BMPR1B: variants seen among roughly 807,000 people sequenced by gnomAD.
BMPR1B encodes bone morphogenetic protein receptor type 1B.
In BMPR1B, 12 loss-of-function variants were observed where a neutral mutation model predicts 59.1. That is an observed-to-expected ratio of 0.20 (90% confidence interval 0.13 to 0.33). The LOEUF (loss-of-function observed/expected upper bound fraction) is 0.33. Among genes scored for constraint, BMPR1B ranks in the 10% least tolerant of loss-of-function variants. The probability of loss-of-function intolerance (pLI) is 1.00; values close to 1 mark genes in which losing one functional copy is unlikely to be tolerated. For synonymous variants in BMPR1B, 237 were observed against 207.3 expected, an observed-to-expected ratio of 1.14 and a Z score of -1.23; for missense variants, 550 against 610.9, an observed-to-expected ratio of 0.90 and a Z score of 1.05.
intron 3 of BMPR1B, chr4:95,103,532 A>G (rs968042217): frequency 2.0e-5 from 19 of 968,060 alleles, no homozygotes; most frequent in Admixed American, 6.2e-5. Flanking sequence ...TAATTAATGC[A>G]TGCCCTCTTC....
chr4:94,972,310 A>T (rs6855185), intron 2 of BMPR1B, among the ~76,000 whole-genome samples: 32,902 of 151,886 alleles, frequency 0.22, 3,791 homozygotes, highest in Middle Eastern at 0.27. Flanking sequence ...CTTTAAAAAG[A>T]TAACTTTATT....
chr4:94,777,989 G>C (rs1722441803), intron 1 of BMPR1B, among the ~76,000 whole-genome samples: 1 of 151,432 alleles, frequency 6.6e-6, no homozygotes, highest in Non-Finnish European at 1.5e-5. Flanking sequence ...TTGCGGCATT[G>C]CACTCCAGCC....
At chr4:94,954,725 A>T (rs1266328596) in intron 2 of BMPR1B, among the ~76,000 whole-genome samples, 1 of 152,126 alleles carries the variant, frequency 6.6e-6, no homozygotes, top group African/African-American at 2.4e-5. Context: ...TTCTTTTTTA[A>T]ATGATGGAGA....
At chr4:95,071,039 T>C (rs948069419) in intron 3 of BMPR1B, among the ~76,000 whole-genome samples, 1 of 152,100 alleles carries the variant, frequency 6.6e-6, no homozygotes, top group Non-Finnish European at 1.5e-5. Flanking sequence ...TAATGAAAAA[T>C]GTCTAAATGT....
At chr4:94,982,553 G>T (rs1352191913) in intron 2 of BMPR1B, among the ~76,000 whole-genome samples, 3 of 152,184 alleles carry the variant, frequency 2.0e-5, no homozygotes, top group Non-Finnish European at 4.4e-5. Context: ...ATTGGTTTGG[G>T]ATATGTCCTG....
chr4:95,008,836 A>G (rs180951146), intron 3 of BMPR1B, among the ~76,000 whole-genome samples: 26 of 152,318 alleles, frequency 1.7e-4, no homozygotes, highest in Middle Eastern at 3.4e-3. Context: ...AAATCCAAAT[A>G]GTCAATAAAC....
chr4:94,789,828 A>C (rs1416209510), intron 1 of BMPR1B, among the ~76,000 whole-genome samples: 2 of 152,128 alleles, frequency 1.3e-5, no homozygotes, highest in Non-Finnish European at 2.9e-5. Flanking sequence ...TGACCCTGGA[A>C]CAACATGAGT....
intron 1 of BMPR1B, among the ~76,000 whole-genome samples, chr4:94,793,591 A>G (rs1723066002): frequency 6.7e-6 from 1 of 148,806 alleles, no homozygotes; most frequent in Non-Finnish European, 1.5e-5. Context: ...AGGAATCGCC[A>G]CACTGACTTC....
intron 3 of BMPR1B, among the ~76,000 whole-genome samples, chr4:95,053,920 A>G (rs1170443750): frequency 3.9e-5 from 6 of 152,314 alleles, no homozygotes; most frequent in Non-Finnish European, 8.8e-5. Flanking sequence ...TTCCTTGACA[A>G]CATCTAACAT....
intron 2 of BMPR1B, among the ~76,000 whole-genome samples, chr4:94,995,609 C>T (rs1578897389): frequency 6.6e-6 from 1 of 152,194 alleles, no homozygotes. Context: ...TTGTCTTTGA[C>T]TCCACCTAGC....
At chr4:94,790,512 C>T (rs1270037947) in intron 1 of BMPR1B, among the ~76,000 whole-genome samples, 1 of 152,142 alleles carries the variant, frequency 6.6e-6, no homozygotes, top group Non-Finnish European at 1.5e-5. Context: ...GCTGCCTTCT[C>T]CCTTTTCCCC....
intron 2 of BMPR1B, among the ~76,000 whole-genome samples, chr4:94,984,584 G>C (rs755205008): frequency 5.9e-5 from 9 of 152,114 alleles, no homozygotes; most frequent in Non-Finnish European, 1.0e-4. Flanking sequence ...CTAATAGCTA[G>C]ATGACTAGGT....
intron 1 of BMPR1B, among the ~76,000 whole-genome samples, chr4:94,811,122 A>G (rs1723796267): frequency 6.6e-6 from 1 of 152,188 alleles, no homozygotes. Context: ...TAGCAGGTGT[A>G]TCTCAAAATG....
intron 1 of BMPR1B, among the ~76,000 whole-genome samples, chr4:94,808,335 A>G (rs1226022203): frequency 6.6e-6 from 1 of 152,162 alleles, no homozygotes; most frequent in Non-Finnish European, 1.5e-5. Flanking sequence ...TTTTCTCTAT[A>G]CATATTTTAG....
intron 2 of BMPR1B, among the ~76,000 whole-genome samples, chr4:94,906,896 T>C (rs1728064228): frequency 2.6e-5 from 4 of 152,064 alleles, no homozygotes; most frequent in Admixed American, 2.6e-4. Flanking sequence ...ACAAACAAGA[T>C]CATTTATATT....
chr4:94,937,054 C>T (rs903880944), intron 2 of BMPR1B, among the ~76,000 whole-genome samples: 1 of 152,124 alleles, frequency 6.6e-6, no homozygotes, highest in African/African-American at 2.4e-5. Context: ...TCATTAAGTC[C>T]TTGCTGCCAT....
intron 2 of BMPR1B, among the ~76,000 whole-genome samples, chr4:94,906,926 T>C (rs1728066472): frequency 6.6e-6 from 1 of 152,056 alleles, no homozygotes; most frequent in Non-Finnish European, 1.5e-5. Context: ...ATAATTGAGT[T>C]AATTTATGGG....
At chr4:95,036,673 G>A (rs1725265275) in intron 3 of BMPR1B, among the ~76,000 whole-genome samples, 1 of 150,002 alleles carries the variant, frequency 6.7e-6, no homozygotes, top group Non-Finnish European at 1.5e-5. Flanking sequence ...ATAAACATGG[G>A]CGTGCAGATA....
chr4:94,969,619 C>T (rs551651386), intron 2 of BMPR1B, among the ~76,000 whole-genome samples: 14 of 152,232 alleles, frequency 9.2e-5, no homozygotes, highest in African/African-American at 1.9e-4. Context: ...GGTGGAATGG[C>T]GGAGTCAGTA....
Sources: allele counts gnomAD v4.1 joint callset (sites outside exome capture counted in the v4.1 genomes callset), GRCh38; gene constraint gnomAD v4.1.1; transcripts MANE v1.5; gene names NCBI Gene and HGNC (gene_info 2026-07-23, HGNC 2026-07-21).